EYS: variants seen among roughly 807,000 people sequenced by gnomAD.
EYS encodes protein eyes shut homolog.
Under a neutral mutation model 282.1 loss-of-function variants are expected in EYS, and 250 were observed. The observed-to-expected ratio is 0.89, with a 90% CI of 0.80 to 0.98. The LOEUF is 0.98. Among genes scored for constraint, EYS ranks in the 50% least tolerant of loss-of-function variants. The pLI is 0.00. For missense variants in EYS, 4,016 were observed against 3,709.0 expected (o/e 1.08, Z -2.15); for synonymous variants, 1,355 against 1,282.9 (o/e 1.06, Z -1.20).
At position 64,992,006 on chromosome 6, in the gene EYS, C is replaced by G. The variant is rs781366264; in HGVS notation, c.2259+5576G>C. Among the ~76,000 whole-genome samples the G allele has an allele frequency of 2.0e-5, 3 of 151,652 alleles. No homozygotes were observed. In the South Asian group the frequency reaches 6.2e-4, roughly 31 times the overall value. On this transcript the variant is annotated intron_variant, in intron 14 of 42. Transcript: ENST00000503581. Reference sequence around the variant, plus strand: ...ATGATTTTCAAATAGAAGTACACATCAAAATCACAAGGCGTTATAAATTAT... The same window carrying G: ...ATGATTTTCAAATAGAAGTACACATGAAAATCACAAGGCGTTATAAATTAT...
chr6:64,248,547 G>T (rs1290420925), intron 30 of EYS, among the ~76,000 whole-genome samples: 1 of 152,102 alleles, frequency 6.6e-6, no homozygotes, highest in African/African-American at 2.4e-5. Context: ...GGGGCTGTCA[G>T]GAAACAGACG....
At chr6:64,803,234 G>C (rs1764314301) in intron 22 of EYS, among the ~76,000 whole-genome samples, 1 of 152,058 alleles carries the variant, frequency 6.6e-6, no homozygotes, top group African/African-American at 2.4e-5. Flanking sequence ...TCTCTGCAGA[G>C]AGCAAATCTG....
At chr6:64,241,122 G>T (rs936364070) in intron 30 of EYS, among the ~76,000 whole-genome samples, 3 of 152,136 alleles carry the variant, frequency 2.0e-5, no homozygotes, top group African/African-American at 7.2e-5. Flanking sequence ...TAAGCTTTTT[G>T]ATGTGCTGCT....
intron 31 of EYS, among the ~76,000 whole-genome samples, chr6:64,153,981 A>G (rs1582351277): frequency 6.6e-6 from 1 of 152,230 alleles, no homozygotes; most frequent in East Asian, 1.9e-4. Flanking sequence ...AGAAAAGCAG[A>G]TTATCCAAAG....
chr6:64,162,827 A>G (rs1775149050), intron 31 of EYS, among the ~76,000 whole-genome samples: 2 of 152,174 alleles, frequency 1.3e-5, no homozygotes, highest in South Asian at 4.1e-4. Flanking sequence ...CTAAATTAAT[A>G]ATATGAATTG....
intron 14 of EYS, among the ~76,000 whole-genome samples, chr6:64,996,752 C>T: frequency 6.6e-6 from 1 of 152,170 alleles, no homozygotes; most frequent in South Asian, 2.1e-4. Flanking sequence ...ATTGTAAAAA[C>T]AATGTCAGTG....
chr6:65,520,125 A>G (rs1390667211), intron 2 of EYS, among the ~76,000 whole-genome samples: 1 of 152,084 alleles, frequency 6.6e-6, no homozygotes, highest in African/African-American at 2.4e-5. Context: ...CCCTCTGGCT[A>G]TCCAAAATAA....
intron 31 of EYS, among the ~76,000 whole-genome samples, chr6:64,215,029 T>C (rs1765888908): frequency 6.6e-6 from 1 of 152,016 alleles, no homozygotes; most frequent in Admixed American, 6.6e-5. Flanking sequence ...CATTTCATTG[T>C]CTTTATTCTG....
At chr6:65,109,456 G>A (rs188283394) in intron 12 of EYS, among the ~76,000 whole-genome samples, 17 of 151,444 alleles carry the variant, frequency 1.1e-4, no homozygotes, top group East Asian at 3.9e-4. Context: ...TTACTTGGGC[G>A]GTAGCTCCTA....
At position 64,066,372 on chromosome 6, in the gene EYS, T is replaced by C. The variant is rs1771370223; in HGVS notation, c.6691A>G (p.Ile2231Val). 2.6e-6 allele frequency: 4 copies of C among 1,551,762 alleles called. No homozygotes were observed. In the East Asian group the frequency reaches 7.3e-5, roughly 28 times the overall value. Residue 2231 changes from isoleucine to valine, a missense_variant, in exon 33 of 43, where the codon ATT becomes GTT. Coordinates refer to ENST00000503581, the MANE Select transcript of EYS (RefSeq NM_001142800.2). Reference sequence around the variant, plus strand: ...ATAGGGGTGAATGCATTTGTGTTAATGCTGTAATTAGCAGAAACAGTCAAA... The same window carrying C: ...ATAGGGGTGAATGCATTTGTGTTAACGCTGTAATTAGCAGAAACAGTCAAA... Reference protein sequence around the residue: ...NILTVSANYSINTNAFTPITI... With the variant: ...NILTVSANYSVNTNAFTPITI...
intron 5 of EYS, among the ~76,000 whole-genome samples, chr6:65,455,951 C>T (rs2134487): frequency 0.22 from 27,580 of 126,614 alleles, 3,157 homozygotes; most frequent in Middle Eastern, 0.4. Flanking sequence ...GCAGGAAAGA[C>T]GGAAGGAAGG....
intron 13 of EYS, among the ~76,000 whole-genome samples, chr6:65,024,598 G>C (rs1403619614): frequency 7.2e-6 from 1 of 139,076 alleles, no homozygotes; most frequent in African/African-American, 3.1e-5. Context: ...TGAAGATATT[G>C]TAGGCATTTT....
At chr6:64,170,158 A>G (rs920221585) in intron 31 of EYS, among the ~76,000 whole-genome samples, 1 of 152,090 alleles carries the variant, frequency 6.6e-6, no homozygotes, top group African/African-American at 2.4e-5. Flanking sequence ...GCTTTTCCGC[A>G]TTGTCCCACT....
intron 18 of EYS, among the ~76,000 whole-genome samples, chr6:64,891,996 A>G (rs1298318609): frequency 6.6e-6 from 1 of 152,012 alleles, no homozygotes; most frequent in East Asian, 1.9e-4. Context: ...AATTTTTCAA[A>G]TAGGTGTTCA....
intron 13 of EYS, among the ~76,000 whole-genome samples, chr6:65,019,203 T>C (rs1772162854): frequency 6.6e-6 from 1 of 152,204 alleles, no homozygotes; most frequent in African/African-American, 2.4e-5. Flanking sequence ...TTTTTGTGAA[T>C]CTAGGTACCA....
intron 33 of EYS, among the ~76,000 whole-genome samples, chr6:64,027,349 CT>C (rs1364858574): frequency 6.6e-6 from 1 of 152,166 alleles, no homozygotes; most frequent in East Asian, 1.9e-4. Flanking sequence ...ATATACTCCC[CT>C]GTCACCTGAA....
chr6:63,942,398 T>C (rs1029896881), intron 35 of EYS, among the ~76,000 whole-genome samples: 1 of 151,930 alleles, frequency 6.6e-6, no homozygotes, highest in African/African-American at 2.4e-5. Context: ...CAGGAGAAGG[T>C]TTCAATATAG....
chr6:65,402,674 A>T (rs1339734407), intron 6 of EYS, 69 bp from the exon 7 acceptor site: 2 of 1,043,890 alleles, frequency 1.9e-6, no homozygotes, highest in Non-Finnish European at 2.9e-6. Flanking sequence ...ATGGGTTCTT[A>T]CCTGGAGAAG....
chr6:65,457,424 C>A (rs1004225237), intron 5 of EYS, among the ~76,000 whole-genome samples: 1 of 152,068 alleles, frequency 6.6e-6, no homozygotes, highest in African/African-American at 2.4e-5. Flanking sequence ...CTCAGCCTTC[C>A]TAAGTGCTAG....
Sources: gnomAD v4.1 joint callset for allele counts (sites outside exome capture counted in the v4.1 genomes callset) on GRCh38, gnomAD v4.1.1 for gene constraint, MANE v1.5 for transcripts, NCBI Gene and HGNC (gene_info 2026-07-23, HGNC 2026-07-21) for gene names.